Variants in PDE4D observed in about 807,000 individuals in gnomAD.
The protein encoded by PDE4D is phosphodiesterase 4D.
Under a neutral mutation model 87.4 loss-of-function variants are expected in PDE4D, and 24 were observed. The ratio of observed to expected loss-of-function variants is 0.27; its 90% CI spans 0.20 to 0.39. The LOEUF (loss-of-function observed/expected upper bound fraction) is 0.39. PDE4D is among the 10% of genes least tolerant of loss of function. The probability of loss-of-function intolerance (pLI) is 1.00; values close to 1 mark genes in which losing one functional copy is unlikely to be tolerated. For missense variants in PDE4D, 714 were observed against 1,041.0 expected (o/e 0.69, Z 4.32); for synonymous variants, 384 against 383.2 (o/e 1.00, Z -0.02).
intron 1 of PDE4D, among the ~76,000 whole-genome samples, chr5:59,401,478 A>ATCTGTCTGTCTG (rs74715038): frequency 0.05 from 7,601 of 150,950 alleles, 256 homozygotes; most frequent in South Asian, 0.082. Flanking sequence ...CTATCTATCT[A>ATCTGTCTGTCTG]TCTATCTATT....
intron 1 of PDE4D, among the ~76,000 whole-genome samples, chr5:60,365,049 T>C (rs1487821349): frequency 6.6e-6 from 1 of 152,192 alleles, no homozygotes; most frequent in Non-Finnish European, 1.5e-5. Context: ...CTCCAAATGA[T>C]AGAGGGATAA....
chr5:59,762,862 T>TATATATATAG (rs1762317947), intron 1 of PDE4D, among the ~76,000 whole-genome samples: 2 of 122,648 alleles, frequency 1.6e-5, no homozygotes, highest in Non-Finnish European at 3.5e-5. Context: ...AGGATATATA[T>TATATATATAG]ATATATATAT....
chr5:59,640,931 G>C (rs900641120), intron 1 of PDE4D, among the ~76,000 whole-genome samples: 6 of 152,098 alleles, frequency 3.9e-5, no homozygotes, highest in Non-Finnish European at 8.8e-5. Flanking sequence ...ATATCTCTTT[G>C]TCTCTTGTGT....
chr5:59,223,447 A>G (rs766866970), intron 1 of PDE4D, among the ~76,000 whole-genome samples: 13 of 152,164 alleles, frequency 8.5e-5, no homozygotes, highest in Non-Finnish European at 1.9e-4. Context: ...GCTGTTAGCC[A>G]ACACATTGGA....
intron 5 of PDE4D, among the ~76,000 whole-genome samples, chr5:59,165,261 T>C (rs1229554369): frequency 1.3e-5 from 2 of 152,170 alleles, no homozygotes; most frequent in Non-Finnish European, 2.9e-5. Flanking sequence ...TGCATTTTGC[T>C]TCATTTTTCA....
intron 3 of PDE4D, chr5:59,986,871 A>G (rs772452788): frequency 1.1e-4 from 16 of 152,210 alleles, no homozygotes; most frequent in Non-Finnish European, 2.4e-4. Context: ...TGAGTCTTTA[A>G]TAGGCTTCCC....
chr5:60,182,797 G>A (rs7703217), intron 2 of PDE4D, among the ~76,000 whole-genome samples: 13,873 of 151,810 alleles, frequency 0.091, 673 homozygotes, highest in South Asian at 0.15. Context: ...GGAGAATGGC[G>A]TGAACCAGGG....
At chr5:60,340,563 G>A (rs2149895903) in intron 1 of PDE4D, among the ~76,000 whole-genome samples, 1 of 141,396 alleles carries the variant, frequency 7.1e-6, no homozygotes, top group South Asian at 2.4e-4. Context: ...GAATAGAAGA[G>A]AACACAGACT....
At chr5:60,310,478 C>A (rs1754918937) in intron 1 of PDE4D, among the ~76,000 whole-genome samples, 1 of 152,142 alleles carries the variant, frequency 6.6e-6, no homozygotes. Context: ...GTTTATTCTG[C>A]AAAGTTCCAG....
At chr5:60,432,514 T>C (rs77305658) in intron 1 of PDE4D, among the ~76,000 whole-genome samples, 3,252 of 152,332 alleles carry the variant, frequency 0.021, 113 homozygotes, top group African/African-American at 0.074. Flanking sequence ...TTTATCAATT[T>C]ACATATGCAA....
intron 1 of PDE4D, among the ~76,000 whole-genome samples, chr5:60,246,795 T>C (rs1747830348): frequency 6.6e-6 from 1 of 151,988 alleles, no homozygotes; most frequent in African/African-American, 2.4e-5. Context: ...TCTTATGTTT[T>C]ATAGTTTGAG....
chr5:59,698,630 T>C (rs1752140406), intron 1 of PDE4D, among the ~76,000 whole-genome samples: 1 of 152,092 alleles, frequency 6.6e-6, no homozygotes, highest in Admixed American at 6.6e-5. Flanking sequence ...ATTTATTTAT[T>C]TGAGGTTGAA....
chr5:59,305,293 G>A (rs1282333414), intron 1 of PDE4D, among the ~76,000 whole-genome samples: 2 of 151,762 alleles, frequency 1.3e-5, no homozygotes, highest in African/African-American at 2.4e-5. Context: ...TCTTTTCTTG[G>A]TTAATCTTGC....
At chr5:59,985,140 T>TTG (rs1554128298) in intron 3 of PDE4D, among the ~76,000 whole-genome samples, 2 of 117,650 alleles carry the variant, frequency 1.7e-5, no homozygotes, top group East Asian at 4.5e-4. Flanking sequence ...TGTTTTTTGT[T>TTG]TTTTGTTTTT....
chr5:60,367,769 A>AT (rs1336176491), intron 1 of PDE4D, among the ~76,000 whole-genome samples: 1 of 151,988 alleles, frequency 6.6e-6, no homozygotes, highest in Non-Finnish European at 1.5e-5. Context: ...TACTAAATTA[A>AT]TTTTTTCTGA....
At chr5:59,979,588 G>A (rs1761707516) in intron 3 of PDE4D, among the ~76,000 whole-genome samples, 2 of 152,094 alleles carry the variant, frequency 1.3e-5, no homozygotes. Context: ...CAGTGTAAAT[G>A]ATGCTAATCT....
At position 58,974,683 on chromosome 5, in the gene PDE4D, T is replaced by TCATCTATGACA. The variant is rs1159391217; in HGVS notation, c.2400_2410dup (p.Asp804ValfsTer3). ...GCACTGTTACGTGTCAGGAGAACGA[T>TCATCTATGACA]CATCTATGACACAGGCTTCAGGCTG... is the stretch of plus-strand genomic sequence containing the variant. On this transcript the variant is annotated stop_gained and frameshift_variant, in exon 15 of 15. Transcript: ENST00000340635. LOFTEE classifies it high-confidence loss of function. 6 of 1,574,396 alleles carry TCATCTATGACA rather than the reference T, an allele frequency of 3.8e-6. No homozygotes were observed. Among genetic ancestry groups the TCATCTATGACA allele is most frequent in the Non-Finnish European group, 5.2e-6 (6 of 1,159,138 alleles).
intron 2 of PDE4D, among the ~76,000 whole-genome samples, chr5:60,082,415 T>C (rs1019329180): frequency 8.9e-6 from 1 of 112,940 alleles, no homozygotes; most frequent in Admixed American, 8.4e-5. Flanking sequence ...CCTCCAAAAC[T>C]GTGAGATAAA....
intron 1 of PDE4D, among the ~76,000 whole-genome samples, chr5:59,877,335 A>G (rs1449163280): frequency 1.3e-5 from 2 of 152,172 alleles, no homozygotes. Flanking sequence ...AGCACATGGC[A>G]GAGATTTTTA....
Sources: allele counts gnomAD v4.1 joint callset (sites outside exome capture counted in the v4.1 genomes callset), GRCh38; gene constraint gnomAD v4.1.1; transcripts MANE v1.5; gene names NCBI Gene and HGNC (gene_info 2026-07-23, HGNC 2026-07-21).